Variants in HOXB3 observed in about 807,000 individuals in gnomAD.
HOXB3 encodes the protein homeobox protein Hox-B3.
A neutral mutation model predicts 29.2 loss-of-function variants in HOXB3; 17 were observed. The observed-to-expected ratio is 0.58, with a 90% CI of 0.40 to 0.87. HOXB3 has a LOEUF of 0.87. Among genes scored for constraint, HOXB3 ranks in the 40% least tolerant of loss-of-function variants. The pLI, the probability that HOXB3 is intolerant of heterozygous loss-of-function variation, is 0.00. For missense variants in HOXB3, 637 were observed against 616.3 expected (o/e 1.03, Z -0.35); for synonymous variants, 317 against 285.9 (o/e 1.11, Z -1.10).
At chr17:48,587,865 C>T (rs1242596626) in intron 1 of HOXB3, among the ~76,000 whole-genome samples, 1 of 152,260 alleles carries the variant, frequency 6.6e-6, no homozygotes, top group Non-Finnish European at 1.5e-5. Context: ...GCCAGGCTGG[C>T]CTCAGAGGGA....
In HOXB3 at chr17:48,552,582, C is replaced by G. The variant is rs940551300; in HGVS notation, c.-108G>C. ...ACGTGACACGCCGGACCCCCCCCCC[C>G]CACCTCCCCTCTCTGCCCCCCTCCT... On this transcript the variant is annotated 5_prime_UTR_variant, in exon 4 of 5. Coordinates refer to ENST00000498678, the MANE Select transcript of HOXB3 (RefSeq NM_001384749.1). The G allele has an allele frequency of 5.2e-6, 4 of 767,572 alleles. No individual in the cohort carries two copies. The highest frequency in any genetic ancestry group is 5.7e-5 in the East Asian group (2 of 34,958). The allele number at this position is 767,572 out of a possible 1,614,324, so 47.5% of individuals were successfully genotyped here.
intron 2 of HOXB3, among the ~76,000 whole-genome samples, chr17:48,570,000 C>T (rs1182388657): frequency 6.6e-6 from 1 of 152,218 alleles, no homozygotes; most frequent in Non-Finnish European, 1.5e-5. Context: ...CTACCTATGT[C>T]ACACCCTGTC....
Position 48,550,914 on chromosome 17 carries a change from C to G in HOXB3, c.716G>C (p.Arg239Pro), listed in dbSNP as rs748024750. 1.2e-6 allele frequency: 2 copies of G among 1,614,012 alleles called. No homozygotes were observed. The highest frequency in any genetic ancestry group is 8.5e-7 in the Non-Finnish European group (1 of 1,179,964). The change falls in exon 5 of 5, where the codon CGG (arginine) becomes CCG (proline). Residue 239 changes from arginine to proline, a missense_variant. By Grantham distance (103) the Arg-to-Pro change is moderately radical. Coordinates refer to ENST00000498678, the MANE Select transcript of HOXB3 (RefSeq NM_001384749.1). ...CTGGTCCTTCTTGTACTTCATGCGC[C>G]GGTTCTGGAACCAGATCTTGATCTG... ...ERQIKIWFQN[R>P]RMKYKKDQKA...
Position 48,554,504 on chromosome 17 carries a change from G to A in HOXB3, c.-159+1027C>T. 1.6e-6 allele frequency: 1 copy of A among 628,348 alleles called. No individual in the cohort carries two copies. 38.9% of individuals were successfully genotyped at this position (628,348 alleles called of 1,614,324 possible). Reference sequence around the variant, plus strand: ...CAGAGACGCGATAGGAAAGAATGGAGACTCCGCCGGTGGTGCAGACAGGGC... The same window carrying A: ...CAGAGACGCGATAGGAAAGAATGGAAACTCCGCCGGTGGTGCAGACAGGGC... On this transcript the variant is annotated intron_variant, in intron 3 of 4. Coordinates refer to ENST00000498678, the MANE Select transcript of HOXB3 (RefSeq NM_001384749.1). This position sits in a 1 kb window ranked among gnomAD's most constrained non-coding sequence, Gnocchi z 4.1.
At chr17:48,564,997 C>T (rs144697783) in intron 2 of HOXB3, among the ~76,000 whole-genome samples, 145 of 146,384 alleles carry the variant, frequency 9.9e-4, no homozygotes, top group Middle Eastern at 6.9e-3. Flanking sequence ...GTAGGGGAAG[C>T]ATCCGCTTGT....
chr17:48,550,702 G>A lies in HOXB3; in HGVS notation c.928C>T (p.Pro310Ser). 1 of 1,544,400 alleles carries A rather than the reference G, an allele frequency of 6.5e-7. No individual in the cohort carries two copies. Among genetic ancestry groups the A allele is most frequent in the Non-Finnish European group, 8.7e-7 (1 of 1,144,610 alleles). ...GGGGCGCCGCAGCCTTTGAGAGGGG[G>A]CTGGTAGTTGGAGGGCAGCGCGTAG... ...NAYALPSNYQPPLKGCGAPQK... is the reference protein window; with the variant it reads ...NAYALPSNYQSPLKGCGAPQK... Residue 310 changes from proline (P) to serine (S), a missense_variant, in exon 5 of 5, where the codon CCC becomes TCC. Pro to Ser is a moderately conservative substitution (Grantham distance 74). Coordinates refer to ENST00000498678, the MANE Select transcript of HOXB3 (RefSeq NM_001384749.1).
In HOXB3 at chr17:48,550,283, CA is replaced by C. The variant is rs1567941280; in HGVS notation, c.*50del. On this transcript the variant is annotated 3_prime_UTR_variant, in exon 5 of 5. Transcript: ENST00000498678. ...ACCTCCAGGTTGCCCCCCAGAGCTC[CA>C]CAGTCTCTCTCTTCCTCCCCATCCC... is the stretch of plus-strand genomic sequence containing the variant. 1 of 1,610,624 alleles carries C rather than the reference CA, an allele frequency of 6.2e-7. No homozygotes were observed. The highest frequency in any genetic ancestry group is 1.3e-5 in the African/African-American group (1 of 74,876).
At position 48,552,061 on chromosome 17, in the gene HOXB3, T is replaced by C. The variant is rs747521757; in HGVS notation, c.414A>G (p.Gln138=). The change falls in exon 4 of 5, where the codon CAA becomes CAG. Residue 138 remains glutamine (Q), a synonymous_variant. Transcript: ENST00000498678. ...GGGAGTTGTTTTTCAGCTTGGACGTTTGCCTCGACTCTTTCATCCAGGGGA... is the reference window on the plus strand; with the variant it reads ...GGGAGTTGTTTTTCAGCTTGGACGTCTGCCTCGACTCTTTCATCCAGGGGA... ...QIFPWMKESR[Q]TSKLKNNSPG... The C allele has an allele frequency of 6.3e-7, 1 of 1,597,040 alleles. No homozygotes were observed. Among genetic ancestry groups the C allele is most frequent in the East Asian group, 2.2e-5 (1 of 44,510 alleles).
At chr17:48,565,346 T>C (rs1407489073) in intron 2 of HOXB3, among the ~76,000 whole-genome samples, 1 of 152,194 alleles carries the variant, frequency 6.6e-6, no homozygotes, top group Non-Finnish European at 1.5e-5. Flanking sequence ...GGGCCTACTC[T>C]AGAGGCAGTT....
intron 1 of HOXB3, chr17:48,576,943 TCTCCAG>T (rs1456441050): frequency 6.2e-7 from 1 of 1,614,038 alleles, no homozygotes; most frequent in Non-Finnish European, 8.5e-7. Flanking sequence ...TGAAATTCCT[TCTCCAG>T]CTCCAAGACC....
At chr17:48,557,826 G>A (rs917409477) in intron 2 of HOXB3, among the ~76,000 whole-genome samples, 9 of 152,150 alleles carry the variant, frequency 5.9e-5, no homozygotes, top group African/African-American at 2.2e-4. Context: ...CTAGACTTGG[G>A]GCTCAAGCCA....
At chr17:48,563,834 C>T (rs998089623) in intron 2 of HOXB3, among the ~76,000 whole-genome samples, 7 of 152,248 alleles carry the variant, frequency 4.6e-5, no homozygotes, top group African/African-American at 1.7e-4. Context: ...TGGAAGCTGA[C>T]CCAGCGGTCG....
chr17:48,550,649 G>T lies in HOXB3; in HGVS notation c.981C>A (p.Pro327=), dbSNP rs755371739. The change falls in exon 5 of 5, where the codon CCC becomes CCA. Residue 327 remains proline, a synonymous_variant. Coordinates refer to ENST00000498678, the MANE Select transcript of HOXB3 (RefSeq NM_001384749.1). ...APQKYPPTPA[P]EYEPHVLQAN... is the part of the protein sequence containing the mutation. ...CTTGGAGGACGTGCGGCTCATACTC[G>T]GGCGCCGGGGTCGGAGGGTACTTCT... is the stretch of plus-strand genomic sequence containing the variant. 1 of 1,524,646 alleles carries T rather than the reference G, an allele frequency of 6.6e-7. No individual in the cohort carries two copies. The allele number at this position is 1,524,646 out of a possible 1,614,324, so 94.4% of individuals were successfully genotyped here. A position where few individuals can be genotyped will look rare whatever the true frequency, so the allele number is the denominator to read the frequency against.
intron 4 of HOXB3, 97 bp downstream of exon 4, chr17:48,551,930 G>C: frequency 8.5e-7 from 1 of 1,179,036 alleles, no homozygotes; most frequent in Non-Finnish European, 1.2e-6. Flanking sequence ...ATTGTTCCCA[G>C]GCAGCCTCGC....
At chr17:48,571,953 TG>T (rs2069598015) in intron 2 of HOXB3, among the ~76,000 whole-genome samples, 1 of 152,256 alleles carries the variant, frequency 6.6e-6, no homozygotes, top group Non-Finnish European at 1.5e-5. Flanking sequence ...TAGTCTTAAC[TG>T]AAGGGTAACA....
At chr17:48,567,108 C>T (rs774771084) in intron 2 of HOXB3, among the ~76,000 whole-genome samples, 1 of 152,176 alleles carries the variant, frequency 6.6e-6, no homozygotes, top group Non-Finnish European at 1.5e-5. Flanking sequence ...GGGTCCTGGC[C>T]TTCTCTTTCT....
intron 2 of HOXB3, among the ~76,000 whole-genome samples, chr17:48,563,678 A>T (rs565616706): frequency 1.3e-5 from 2 of 152,316 alleles, no homozygotes; most frequent in East Asian, 3.9e-4. Context: ...AGCAGGCAGG[A>T]GTAAACACAG....
chr17:48,590,041 G>A (rs915803527), intron 1 of HOXB3, 84 bp downstream of exon 1: 10 of 152,264 alleles, frequency 6.6e-5, no homozygotes, highest in African/African-American at 2.4e-4. Flanking sequence ...TCACCCCACA[G>A]CCCCAGGTGG....
At chr17:48,587,019 TC>T (rs1277730366) in intron 1 of HOXB3, among the ~76,000 whole-genome samples, 6 of 151,762 alleles carry the variant, frequency 4.0e-5, no homozygotes, top group Non-Finnish European at 7.4e-5. Flanking sequence ...GGGTATTTAA[TC>T]CCCCACCCCG....
Sources: gnomAD v4.1 joint callset for allele counts (sites outside exome capture counted in the v4.1 genomes callset) on GRCh38, gnomAD v4.1.1 for gene constraint, Gnocchi (gnomAD v3.1) non-coding constraint, MANE v1.5 for transcripts, NCBI Gene and HGNC (gene_info 2026-07-23, HGNC 2026-07-21) for gene names.